FIP1L1: variants seen among roughly 807,000 people sequenced by gnomAD.
The protein encoded by FIP1L1 is factor interacting with PAPOLA and CPSF1.
Under a neutral mutation model 84.6 loss-of-function variants are expected in FIP1L1, and 21 were observed. That is an observed-to-expected ratio of 0.25 (90% confidence interval 0.18 to 0.36). The LOEUF is 0.36. Ranked by LOEUF, FIP1L1 falls within the 10% of genes least tolerant of loss-of-function variation. FIP1L1 has a pLI of 1.00. For synonymous variants in FIP1L1, 263 were observed against 242.3 expected, an observed-to-expected ratio of 1.09 and a Z score of -0.80; for missense variants, 526 against 751.1, an observed-to-expected ratio of 0.70 and a Z score of 3.50.
At position 53,426,013 on chromosome 4, in the gene FIP1L1, C is replaced by T. The variant is rs746895607; in HGVS notation, c.1017+48C>T. On this transcript the variant is annotated intron_variant, in intron 12 of 17. Coordinates refer to ENST00000337488, the MANE Select transcript of FIP1L1 (RefSeq NM_030917.4). The stretch of plus-strand genomic sequence containing the variant: ...ATTTTCTTTAACTGAAGGATGATAT[C>T]AACATTATAATTTAATTTATTCAAT... 5.5e-6 allele frequency: 7 copies of T among 1,276,820 alleles called. No homozygotes were observed. In the South Asian group the frequency reaches 7.7e-5, roughly 14 times the overall value. 79.1% of individuals were successfully genotyped at this position (1,276,820 alleles called of 1,614,324 possible).
At chr4:53,425,595 C>G (rs77998700) in intron 11 of FIP1L1, among the ~76,000 whole-genome samples, 4,387 of 152,100 alleles carry the variant, frequency 0.029, 101 homozygotes, top group Non-Finnish European at 0.043. Context: ...TTGGAGACTA[C>G]TAAAACTAGT....
intron 13 of FIP1L1, among the ~76,000 whole-genome samples, chr4:53,433,968 G>A (rs1474593346): frequency 2.0e-5 from 3 of 151,818 alleles, no homozygotes; most frequent in Non-Finnish European, 4.4e-5. Flanking sequence ...GTGGGGGCGG[G>A]TGGCGAGTTG....
chr4:53,385,008 A>T (rs1163989774), intron 5 of FIP1L1, among the ~76,000 whole-genome samples: 1 of 152,176 alleles, frequency 6.6e-6, no homozygotes, highest in Admixed American at 6.5e-5. Context: ...GTTTTGTATT[A>T]TAATAATGAC....
intron 10 of FIP1L1, among the ~76,000 whole-genome samples, chr4:53,405,628 TC>T (rs1390074387): frequency 7.7e-6 from 1 of 129,988 alleles, no homozygotes; most frequent in Non-Finnish European, 1.7e-5. Context: ...TATTGATTCT[TC>T]CTACCCATGA....
chr4:53,456,228 A>C (rs1393324148), intron 16 of FIP1L1, among the ~76,000 whole-genome samples: 1 of 152,138 alleles, frequency 6.6e-6, no homozygotes, highest in Non-Finnish European at 1.5e-5. Flanking sequence ...AGGACTCATA[A>C]ATTTTCTTTG....
At chr4:53,404,295 A>G (rs1303017116) in intron 10 of FIP1L1, among the ~76,000 whole-genome samples, 11 of 151,208 alleles carry the variant, frequency 7.3e-5, no homozygotes, top group African/African-American at 2.7e-4. Context: ...TTTACTGAGA[A>G]TGATGATTTC....
In FIP1L1 at chr4:53,379,281, G is replaced by A; in HGVS notation, c.170+17G>A. 6.3e-7 allele frequency: 1 copy of A among 1,578,712 alleles called. No homozygotes were observed. Among genetic ancestry groups the A allele is most frequent in the South Asian group, 1.2e-5 (1 of 84,026 alleles). ...AAATGCCAGGTTAGTGAAATTTTCT[G>A]TTGATGCCTATTACACAGGTTGTGT... On this transcript the variant is annotated intron_variant, in intron 3 of 17. Coordinates refer to ENST00000337488, the MANE Select transcript of FIP1L1 (RefSeq NM_030917.4).
Position 53,389,921 on chromosome 4 carries a change from T to C in FIP1L1, c.397+48T>C, listed in dbSNP as rs1328405949. ...CATCAATAGGGAAATAAGGCACATA[T>C]CTTAAATAGGTCTTAATAGCTTTTT... is the stretch of plus-strand genomic sequence containing the variant. On this transcript the variant is annotated intron_variant, in intron 6 of 17. Transcript: ENST00000337488. 1.3e-5 allele frequency: 19 copies of C among 1,411,202 alleles called. No homozygotes were observed. In the Admixed American group the frequency reaches 3.9e-4, roughly 29 times the overall value. 87.4% of individuals were successfully genotyped at this position (1,411,202 alleles called of 1,614,324 possible).
chr4:53,439,962 T>C (rs1395598177), intron 13 of FIP1L1, among the ~76,000 whole-genome samples: 1 of 152,062 alleles, frequency 6.6e-6, no homozygotes, highest in Non-Finnish European at 1.5e-5. Context: ...TAATATTTGC[T>C]AGCACCTGTA....
chr4:53,417,013 T>C (rs1337297718), intron 11 of FIP1L1, among the ~76,000 whole-genome samples: 2 of 152,188 alleles, frequency 1.3e-5, no homozygotes, highest in African/African-American at 4.8e-5. Flanking sequence ...AATTTTAAAC[T>C]TTGTTTCTTT....
At chr4:53,385,574 T>C (rs1578141553) in intron 5 of FIP1L1, among the ~76,000 whole-genome samples, 1 of 152,246 alleles carries the variant, frequency 6.6e-6, no homozygotes, top group South Asian at 2.1e-4. Flanking sequence ...CAGTTAAGTG[T>C]GCAGTAAATG....
rs776567006 is a variant in FIP1L1, at chr4:53,379,174, G to A, written c.131-51G>A. 5 of 1,606,214 alleles carry A rather than the reference G, an allele frequency of 3.1e-6. No homozygotes were observed. The Admixed American group carries it at 8.5e-5, about 27-fold the overall frequency. ...CATAATACTAGTTTCTTTAAGAGTG[G>A]TTTCTTTATTTTGTTTGCTTATTTA... On this transcript the variant is annotated intron_variant, in intron 2 of 17. Coordinates refer to ENST00000337488, the MANE Select transcript of FIP1L1 (RefSeq NM_030917.4).
rs371260278 is a variant in FIP1L1 at position 53,424,424 on chromosome 4, T to C, written c.924-1448T>C. ...ATATTAAGATCTTTCCCCAGCTGTA[T>C]TGGAGGATATGTTAATCCTCCAATG... On this transcript the variant is annotated intron_variant, in intron 11 of 17. Coordinates refer to ENST00000337488, the MANE Select transcript of FIP1L1 (RefSeq NM_030917.4). 9.2e-5 allele frequency among the ~76,000 whole-genome samples: 14 copies of C among 152,270 alleles called. 1 individual carries two copies. Among genetic ancestry groups the C allele is most frequent in the South Asian group, 4.1e-4 (2 of 4,828 alleles).
intron 12 of FIP1L1, among the ~76,000 whole-genome samples, chr4:53,427,480 T>C (rs564775138): frequency 2.0e-5 from 3 of 152,332 alleles, no homozygotes; most frequent in African/African-American, 7.2e-5. Context: ...GTTACAAGGC[T>C]CACATGATAA....
rs1721402233 is a variant in FIP1L1, at chr4:53,459,664, CTT to C, written c.*217_*218del. The C allele has an allele frequency of 9.8e-6, 6 of 612,388 alleles. No individual in the cohort carries two copies. The highest frequency in any genetic ancestry group is 4.6e-4 in the Middle Eastern group (1 of 2,158). 37.9% of individuals were successfully genotyped at this position (612,388 alleles called of 1,614,324 possible). On this transcript the variant is annotated 3_prime_UTR_variant, in exon 18 of 18. Coordinates refer to ENST00000337488, the MANE Select transcript of FIP1L1 (RefSeq NM_030917.4). ...TTCAAAAATAAAAAGACAGCAATGA[CTT>C]TATATCCAAGAAAGGAATGTGAATG...
At position 53,426,058 on chromosome 4, in the gene FIP1L1, C is replaced by T. The variant is rs1279459999; in HGVS notation, c.1017+93C>T. 54 of 817,382 alleles carry T rather than the reference C, an allele frequency of 6.6e-5. 1 individual carries two copies. Among genetic ancestry groups the T allele is most frequent in the Non-Finnish European group, 8.9e-5 (47 of 527,470 alleles). 50.6% of individuals were successfully genotyped at this position (817,382 alleles called of 1,614,324 possible). On this transcript the variant is annotated intron_variant, in intron 12 of 17. Transcript: ENST00000337488. ...TTCAATAGATAGTCATAGTGCTATGCTGTGTTTTAGGTGATACAAAGAGAT... is the reference window on the plus strand; with the variant it reads ...TTCAATAGATAGTCATAGTGCTATGTTGTGTTTTAGGTGATACAAAGAGAT...
chr4:53,382,677 G>A (rs1199989541), intron 4 of FIP1L1, among the ~76,000 whole-genome samples: 2 of 152,142 alleles, frequency 1.3e-5, no homozygotes, highest in Non-Finnish European at 2.9e-5. Context: ...ATTTTTTAAC[G>A]TTGCTTTTTA....
chr4:53,405,175 T>C (rs1222207434), intron 10 of FIP1L1, among the ~76,000 whole-genome samples: 1 of 152,182 alleles, frequency 6.6e-6, no homozygotes, highest in Admixed American at 6.5e-5. Context: ...CATCTTGAAT[T>C]AATTTTTGTA....
intron 11 of FIP1L1, among the ~76,000 whole-genome samples, chr4:53,415,760 T>C (rs1759224537): frequency 2.0e-5 from 3 of 152,204 alleles, no homozygotes; most frequent in East Asian, 1.9e-4. Context: ...TCCACATGAG[T>C]TGTAAGTATT....
Sources: allele counts gnomAD v4.1 joint callset (sites outside exome capture counted in the v4.1 genomes callset), GRCh38; gene constraint gnomAD v4.1.1; transcripts MANE v1.5; gene names NCBI Gene and HGNC (gene_info 2026-07-23, HGNC 2026-07-21).